Variants in GTF3C1 observed in about 807,000 individuals in gnomAD.
GTF3C1 encodes the protein general transcription factor IIIC subunit 1, also known as general transcription factor 3C polypeptide 1.
A neutral mutation model predicts 226.7 loss-of-function variants in GTF3C1; 57 were observed. The ratio of observed to expected loss-of-function variants is 0.25; its 90% CI spans 0.20 to 0.31. The LOEUF (loss-of-function observed/expected upper bound fraction) is 0.31, where lower values mean the gene tolerates loss of function less well. GTF3C1 is among the 10% of genes least tolerant of loss of function. GTF3C1 has a pLI of 1.00. For missense variants in GTF3C1, 2,217 were observed against 2,776.1 expected (o/e 0.80, Z 4.53); for synonymous variants, 1,090 against 1,084.8 (o/e 1.00, Z -0.09).
chr16:27,535,539 C>T (rs575899168), intron 4 of GTF3C1, among the ~76,000 whole-genome samples: 4 of 149,640 alleles, frequency 2.7e-5, no homozygotes, highest in Non-Finnish European at 5.9e-5. Context: ...CGTGCCACTG[C>T]GCTCCAGCCT....
In GTF3C1 at chr16:27,470,406, A is replaced by G; in HGVS notation, c.4527-11T>C. Reference sequence around the variant, plus strand: ...CGCCACGTAAAAATCCTACAGACAAAAAGAAAGGAAGGGCCTGACTGAGGG... The same window carrying G: ...CGCCACGTAAAAATCCTACAGACAAGAAGAAAGGAAGGGCCTGACTGAGGG... On this transcript the variant is annotated splice_polypyrimidine_tract_variant and intron_variant, in intron 30 of 36. Coordinates refer to ENST00000356183, the MANE Select transcript of GTF3C1 (RefSeq NM_001520.4). The surrounding 1 kb of genome is among the most constrained non-coding windows in gnomAD (Gnocchi z 4.9). The G allele has an allele frequency of 6.2e-7, 1 of 1,610,384 alleles. No homozygotes were observed. The highest frequency in any genetic ancestry group is 8.5e-7 in the Non-Finnish European group (1 of 1,177,768).
rs767215125 is a variant in GTF3C1, at chr16:27,462,344, G to A, written c.6067C>T (p.Arg2023Cys). The change falls in exon 36 of 37, where the codon CGC becomes TGC. Residue 2023 changes from arginine (R) to cysteine (C), a missense_variant. This residue lies in a region of GTF3C1 where 153 missense variants were observed against 199.8 expected (regional missense o/e 0.77). Coordinates refer to ENST00000356183, the MANE Select transcript of GTF3C1 (RefSeq NM_001520.4). This position sits in a 1 kb window ranked among gnomAD's most constrained non-coding sequence, Gnocchi z 4.5. ...GGCTGCAGGACCCCCTGGTAGTGGC[G>A]CAGCAGGGAGCTCTCGGGGATGCCA... ...RPGIPESSLL[R>C]HYQGVLQPVA... The A allele has an allele frequency of 2.5e-5, 39 of 1,573,606 alleles. 1 individual carries two copies. The highest frequency in any genetic ancestry group is 3.3e-4 in the Middle Eastern group (2 of 6,040).
chr16:27,477,030 G>T (rs1302284772), intron 28 of GTF3C1, among the ~76,000 whole-genome samples: 2 of 152,170 alleles, frequency 1.3e-5, no homozygotes, highest in African/African-American at 4.8e-5. Flanking sequence ...AGGCTAGGGG[G>T]TCAGGAACTT....
In GTF3C1 at chr16:27,507,053, C is replaced by A. The variant is rs746707529; in HGVS notation, c.1346G>T (p.Arg449Leu). 22 of 1,613,604 alleles carry A rather than the reference C, an allele frequency of 1.4e-5. No individual in the cohort carries two copies. The highest frequency in any genetic ancestry group is 1.9e-5 in the Non-Finnish European group (22 of 1,179,868). ...GCTCACGGTGGTCAAGAGCTCGCTG[C>A]GGGCCTTCTCTCTTTGGTACTGCCG... ...LSRQYQREKA[R>L]SELLTTVSLA... The change falls in exon 9 of 37, where the codon CGC (arginine) becomes CTC (leucine). Residue 449 changes from arginine to leucine, a missense_variant. Coordinates refer to ENST00000356183, the MANE Select transcript of GTF3C1 (RefSeq NM_001520.4). The surrounding 1 kb of genome is among the most constrained non-coding windows in gnomAD (Gnocchi z 4.9).
At chr16:27,513,258 A>C (rs1012014952) in intron 6 of GTF3C1, among the ~76,000 whole-genome samples, 4 of 152,186 alleles carry the variant, frequency 2.6e-5, no homozygotes, top group African/African-American at 9.7e-5. Flanking sequence ...GTTTGACACC[A>C]GCCTTGGCAG....
At chr16:27,533,072 A>C in intron 5 of GTF3C1, among the ~76,000 whole-genome samples, 10 of 152,116 alleles carry the variant, frequency 6.6e-5, no homozygotes, top group African/African-American at 1.9e-4. Flanking sequence ...GCGAAGGCCG[A>C]AGTGAGCCAC....
In GTF3C1 at chr16:27,502,876, T is replaced by C; in HGVS notation, c.1890A>G (p.Leu630=). The stretch of plus-strand genomic sequence containing the variant: ...CTCCTTACGTGAATAAACTCTCGAT[T>C]AAGCGAAGATTGGTGACAGCTTCTA... The part of the protein sequence containing the change: ...LIIEAVTNLR[L]IESLFTIQKM... Residue 630 remains leucine, a synonymous_variant, in exon 11 of 37, where the codon TTA becomes TTG. Transcript: ENST00000356183. The C allele has an allele frequency of 1.9e-6, 3 of 1,591,186 alleles. No individual in the cohort carries two copies. The highest frequency in any genetic ancestry group is 2.6e-6 in the Non-Finnish European group (3 of 1,167,646).
At chr16:27,538,856 G>A (rs2089039402) in intron 2 of GTF3C1, among the ~76,000 whole-genome samples, 1 of 151,930 alleles carries the variant, frequency 6.6e-6, no homozygotes, top group Non-Finnish European at 1.5e-5. Flanking sequence ...CAGCTCAGTT[G>A]TCAACTCCTC....
rs2087832608 is a variant in GTF3C1, at chr16:27,469,416, C to T, written c.4949G>A (p.Gly1650Asp). 1 of 1,614,040 alleles carries T rather than the reference C, an allele frequency of 6.2e-7. No homozygotes were observed. Among genetic ancestry groups the T allele is most frequent in the South Asian group, 1.1e-5 (1 of 91,042 alleles). Reference protein sequence around the residue: ...ASHTNYLLMRGYYSPGIVSTR... With the variant: ...ASHTNYLLMRDYYSPGIVSTR... ...GCTGACGATGCCGGGGGAGTAGTAGCCCCTCATCAGCAGGTAGTTGGTGTG... is the reference window on the plus strand; with the variant it reads ...GCTGACGATGCCGGGGGAGTAGTAGTCCCTCATCAGCAGGTAGTTGGTGTG... The change falls in exon 32 of 37, where the codon GGC becomes GAC. Residue 1650 changes from glycine (G) to aspartate (D), a missense_variant. Physicochemically the swap from Gly to Asp is moderately conservative, Grantham distance 94 (BLOSUM62 -1). Around this residue, in one of 12 missense-constraint regions of GTF3C1, gnomAD observed 455 missense variants for 441.9 expected, o/e 1.03. Transcript: ENST00000356183. This position sits in a 1 kb window ranked among gnomAD's most constrained non-coding sequence, Gnocchi z 4.5.
At position 27,486,518 on chromosome 16, in the gene GTF3C1, G is replaced by A. The variant is rs532579254; in HGVS notation, c.3701-364C>T. 2.6e-5 allele frequency among the ~76,000 whole-genome samples: 4 copies of A among 152,266 alleles called. No individual in the cohort carries two copies. The South Asian group carries it at 6.2e-4, about 24-fold the overall frequency. On this transcript the variant is annotated intron_variant, in intron 23 of 36. Transcript: ENST00000356183. ...AGTGCGTGCTCGGGGCGTACCCACC[G>A]AGTGAGCAGGACCAGGGACTGTGCA...
chr16:27,520,395 A>G (rs2088727253), intron 6 of GTF3C1, among the ~76,000 whole-genome samples: 1 of 152,044 alleles, frequency 6.6e-6, no homozygotes, highest in Non-Finnish European at 1.5e-5. Context: ...GATTACAGGC[A>G]TGAGCCACCA....
intron 12 of GTF3C1, among the ~76,000 whole-genome samples, chr16:27,500,287 G>A (rs954102131): frequency 5.3e-5 from 8 of 152,176 alleles, no homozygotes; most frequent in African/African-American, 1.9e-4. Flanking sequence ...AGGCTGGTGG[G>A]GGAGTGGGGA....
In GTF3C1 at chr16:27,537,879, G is replaced by A. The variant is rs572465496; in HGVS notation, c.657C>T (p.Asn219=). The A allele has an allele frequency of 3.9e-5, 63 of 1,613,716 alleles. 1 individual carries two copies. Among genetic ancestry groups the A allele is most frequent in the Middle Eastern group, 3.3e-4 (2 of 6,062 alleles). The part of the protein sequence containing the change: ...LHYHRKILNK[N]GLITMQSHVI... ...CATGGGACTGCATTGTAATCAGCCC[G>A]TTTTTGTTCAAAATTTTTCTGTGAT... Residue 219 remains asparagine, a synonymous_variant, in exon 4 of 37, where the codon AAC becomes AAT. Transcript: ENST00000356183.
chr16:27,515,603 T>C (rs372156715), intron 6 of GTF3C1, among the ~76,000 whole-genome samples: 2 of 152,042 alleles, frequency 1.3e-5, no homozygotes, highest in Admixed American at 1.3e-4. Flanking sequence ...GAATAAACGT[T>C]TGGAGGGAAG....
intron 2 of GTF3C1, among the ~76,000 whole-genome samples, chr16:27,539,004 C>CTTTTT (rs899984965): frequency 2.9e-5 from 3 of 103,914 alleles, no homozygotes; most frequent in Non-Finnish European, 3.9e-5. Flanking sequence ...ACACACTCAT[C>CTTTTT]TTTTTTTTTT....
chr16:27,486,039 C>T lies in GTF3C1; in HGVS notation c.3816G>A (p.Leu1272=). Residue 1272 remains leucine (L), a synonymous_variant, in exon 24 of 37, where the codon CTG becomes CTA. Coordinates refer to ENST00000356183, the MANE Select transcript of GTF3C1 (RefSeq NM_001520.4). ...TGCTGGCAATGCGGCACAGCACAAGCAGCCCATCCTCCTGCATAGACCAGG... is the reference window on the plus strand; with the variant it reads ...TGCTGGCAATGCGGCACAGCACAAGTAGCCCATCCTCCTGCATAGACCAGG... ...RVTWSMQEDG[L]LVLCRIASNV... 1 of 1,612,478 alleles carries T rather than the reference C, an allele frequency of 6.2e-7. No individual in the cohort carries two copies. Among genetic ancestry groups the T allele is most frequent in the Non-Finnish European group, 8.5e-7 (1 of 1,178,792 alleles).
intron 2 of GTF3C1, among the ~76,000 whole-genome samples, chr16:27,540,243 A>C (rs1442618385): frequency 3.9e-5 from 6 of 152,264 alleles, no homozygotes; most frequent in Non-Finnish European, 8.8e-5. Flanking sequence ...TATTTTGCTT[A>C]AGTCACAGAA....
intron 7 of GTF3C1, among the ~76,000 whole-genome samples, chr16:27,511,456 ATATC>A (rs920734759): frequency 1.2e-4 from 18 of 152,182 alleles, no homozygotes; most frequent in Non-Finnish European, 1.9e-4. Context: ...TCCCTCTTAT[ATATC>A]TATGTTTATT....
In GTF3C1 at chr16:27,508,452, C is replaced by T. The variant is rs2088520660; in HGVS notation, c.1242+88G>A. ...CTCCTTGACACAGATGTCAGGCCAT[C>T]GAGTCTTCTGACTGAGATGCTCGTT... On this transcript the variant is annotated intron_variant, in intron 8 of 36. Coordinates refer to ENST00000356183, the MANE Select transcript of GTF3C1 (RefSeq NM_001520.4). 14 of 1,013,412 alleles carry T rather than the reference C, an allele frequency of 1.4e-5. No individual in the cohort carries two copies. In the East Asian group the frequency reaches 2.6e-4, roughly 19 times the overall value. The allele number at this position is 1,013,412 out of a possible 1,614,324, so 62.8% of individuals were successfully genotyped here.
Sources: gnomAD v4.1 joint callset for allele counts (sites outside exome capture counted in the v4.1 genomes callset) on GRCh38, gnomAD v4.1.1 for gene constraint, gnomAD v4.1.1 regional missense constraint, Gnocchi (gnomAD v3.1) non-coding constraint, MANE v1.5 for transcripts, NCBI Gene and HGNC (gene_info 2026-07-23, HGNC 2026-07-21) for gene names.